Variants in PUM3 observed in about 807,000 individuals in gnomAD.
PUM3 encodes pumilio homolog 3.
Under a neutral mutation model 84.0 loss-of-function variants are expected in PUM3, and 91 were observed. The observed-to-expected ratio is 1.08, with a 90% CI of 0.91 to 1.29. The LOEUF (loss-of-function observed/expected upper bound fraction) is 1.29. Ranked by LOEUF, PUM3 falls within the 50% of genes most tolerant of loss-of-function variation. The pLI, the probability that PUM3 is intolerant of heterozygous loss-of-function variation, is 0.00. For missense variants in PUM3, 1,067 were observed against 767.5 expected, an observed-to-expected ratio of 1.39 and a Z score of -4.61; for synonymous variants, 321 against 266.7, an observed-to-expected ratio of 1.20 and a Z score of -1.98.
intron 2 of PUM3, among the ~76,000 whole-genome samples, chr9:2,838,138 C>G (rs1026759903): frequency 1.2e-4 from 18 of 152,082 alleles, no homozygotes; most frequent in Non-Finnish European, 2.5e-4. Context: ...CCTAATTTAT[C>G]AAATGTTAAA....
chr9:2,828,026 C>A (rs971984146), intron 9 of PUM3, among the ~76,000 whole-genome samples: 2 of 152,044 alleles, frequency 1.3e-5, no homozygotes, highest in African/African-American at 2.4e-5. Context: ...CCAAGTCTTA[C>A]AATCCATTTT....
chr9:2,828,143 G>A (rs936844555), intron 9 of PUM3, among the ~76,000 whole-genome samples: 3 of 152,254 alleles, frequency 2.0e-5, no homozygotes, highest in African/African-American at 7.2e-5. Context: ...GGGCTCCAGT[G>A]AGCCTCCTGC....
In PUM3 at chr9:2,808,109, A is replaced by T. The variant is rs1391898138; in HGVS notation, c.1724-205T>A. ...AAAAGAGCCATTTCTTTTAACTCTG[A>T]TCCAAAACCTAAGCTATGTTTAGCA... On this transcript the variant is annotated intron_variant, in intron 16 of 17. Transcript: ENST00000397885. The T allele has an allele frequency of 1.2e-5, 6 of 516,448 alleles. No individual in the cohort carries two copies. In the East Asian group the frequency reaches 2.0e-4, roughly 17 times the overall value. 32.0% of individuals were successfully genotyped at this position (516,448 alleles called of 1,614,324 possible).
At position 2,823,854 on chromosome 9, in the gene PUM3, C is replaced by G; in HGVS notation, c.1135-20G>C. 7.0e-7 allele frequency: 1 copy of G among 1,434,534 alleles called. No individual in the cohort carries two copies. The highest frequency in any genetic ancestry group is 2.4e-5 in the East Asian group (1 of 42,246). The allele number at this position is 1,434,534 out of a possible 1,614,324, so 88.9% of individuals were successfully genotyped here. A position where few individuals can be genotyped will look rare whatever the true frequency, so the allele number is the denominator to read the frequency against. On this transcript the variant is annotated intron_variant, in intron 11 of 17. Transcript: ENST00000397885. ...CCTGTCCTTAAAAAGGAAAGATTGTCTCACTGAATTTTCAGTTATGTATTA... is the reference window on the plus strand; with the variant it reads ...CCTGTCCTTAAAAAGGAAAGATTGTGTCACTGAATTTTCAGTTATGTATTA...
chr9:2,822,185 C>T (rs573516332), intron 12 of PUM3, among the ~76,000 whole-genome samples: 16 of 152,204 alleles, frequency 1.1e-4, no homozygotes, highest in African/African-American at 3.6e-4. Flanking sequence ...ATGTTTCTCT[C>T]AGCAACTGAT....
chr9:2,832,256 T>G (rs577462385), intron 5 of PUM3, among the ~76,000 whole-genome samples: 1 of 152,314 alleles, frequency 6.6e-6, no homozygotes, highest in Non-Finnish European at 1.5e-5. Flanking sequence ...TTAAACATAG[T>G]GTTCTTATTT....
intron 1 of PUM3, among the ~76,000 whole-genome samples, chr9:2,843,396 A>C (rs949647285): frequency 6.6e-6 from 1 of 151,996 alleles, no homozygotes; most frequent in Admixed American, 6.6e-5. Context: ...GTTTCCTCCC[A>C]GCACTTAGAA....
At chr9:2,837,003 T>C (rs1253158652) in intron 3 of PUM3, among the ~76,000 whole-genome samples, 177 bp downstream of exon 3, 1 of 152,224 alleles carries the variant, frequency 6.6e-6, no homozygotes, top group African/African-American at 2.4e-5. Flanking sequence ...TAAGAAACTC[T>C]AAGCACCAGA....
chr9:2,830,016 C>A, intron 7 of PUM3, 68 bp from the exon 8 acceptor site: 1 of 1,409,626 alleles, frequency 7.1e-7, no homozygotes, highest in African/African-American at 1.4e-5. Context: ...TAAAACACAA[C>A]TTACTTCTCC....
intron 1 of PUM3, among the ~76,000 whole-genome samples, chr9:2,841,524 T>C (rs1298551766): frequency 6.6e-6 from 1 of 152,150 alleles, no homozygotes; most frequent in African/African-American, 2.4e-5. Context: ...GCTGAGATTG[T>C]GCCACTACAC....
At chr9:2,838,133 T>G (rs568605203) in intron 2 of PUM3, among the ~76,000 whole-genome samples, 1 of 152,292 alleles carries the variant, frequency 6.6e-6, no homozygotes, top group South Asian at 2.1e-4. Context: ...ACAGTCCTAA[T>G]TTATCAAATG....
intron 13 of PUM3, among the ~76,000 whole-genome samples, chr9:2,816,880 G>A (rs373870747): frequency 2.6e-5 from 4 of 152,210 alleles, no homozygotes; most frequent in African/African-American, 4.8e-5. Flanking sequence ...AGTGATTATC[G>A]GGCTATGATT....
chr9:2,823,731 T>G (rs1042893402), intron 12 of PUM3, 50 bp downstream of exon 12: 1 of 792,666 alleles, frequency 1.3e-6, no homozygotes, highest in Non-Finnish European at 1.9e-6. Context: ...TAGACATGAA[T>G]TCATCTTACT....
chr9:2,805,201 C>T (rs112704081), intron 17 of PUM3, among the ~76,000 whole-genome samples: 4 of 152,294 alleles, frequency 2.6e-5, no homozygotes, highest in African/African-American at 9.6e-5. Flanking sequence ...CAGCCAGAGC[C>T]TGACACTTAG....
At chr9:2,833,124 A>G (rs1309871431) in intron 5 of PUM3, among the ~76,000 whole-genome samples, 1 of 152,208 alleles carries the variant, frequency 6.6e-6, no homozygotes, top group Non-Finnish European at 1.5e-5. Context: ...GGCTTATTTT[A>G]AGAATTATTA....
At chr9:2,809,173 A>C (rs1821317246) in intron 16 of PUM3, among the ~76,000 whole-genome samples, 2 of 152,178 alleles carry the variant, frequency 1.3e-5, no homozygotes, top group African/African-American at 2.4e-5. Flanking sequence ...TTTGAAAACT[A>C]CTAAGTTTTA....
At chr9:2,806,438 G>C (rs1352927654) in intron 17 of PUM3, among the ~76,000 whole-genome samples, 1 of 152,158 alleles carries the variant, frequency 6.6e-6, no homozygotes, top group Non-Finnish European at 1.5e-5. Flanking sequence ...ATATGTTGAA[G>C]AAACACTTAA....
intron 13 of PUM3, among the ~76,000 whole-genome samples, chr9:2,813,402 T>G (rs1298733197): frequency 6.6e-6 from 1 of 152,240 alleles, no homozygotes; most frequent in Non-Finnish European, 1.5e-5. Flanking sequence ...CAATGCATGT[T>G]TGAGCACCCC....
chr9:2,814,603 G>A (rs142493198), intron 13 of PUM3, among the ~76,000 whole-genome samples: 1 of 152,066 alleles, frequency 6.6e-6, no homozygotes, highest in African/African-American at 2.4e-5. Flanking sequence ...CCTATATTAA[G>A]CTTTAACCAA....
Sources: gnomAD v4.1 joint callset for allele counts (sites outside exome capture counted in the v4.1 genomes callset) on GRCh38, gnomAD v4.1.1 for gene constraint, MANE v1.5 for transcripts, NCBI Gene and HGNC (gene_info 2026-07-23, HGNC 2026-07-21) for gene names.